SEMA5A: variants seen among roughly 807,000 people sequenced by gnomAD.
SEMA5A encodes the protein semaphorin 5A, also known as semaphorin-5A.
Under a neutral mutation model 135.5 loss-of-function variants are expected in SEMA5A, and 55 were observed. That is an observed-to-expected ratio of 0.41 (90% confidence interval 0.33 to 0.51). The LOEUF is 0.51. Among genes scored for constraint, SEMA5A ranks in the 20% least tolerant of loss-of-function variants. The probability of loss-of-function intolerance (pLI) is 0.37; values close to 1 mark genes in which losing one functional copy is unlikely to be tolerated. For synonymous variants in SEMA5A, 580 were observed against 546.5 expected (o/e 1.06, Z -0.85); for missense variants, 1,290 against 1,419.9 (o/e 0.91, Z 1.47).
At chr5:9,273,182 C>T (rs1750075890) in intron 5 of SEMA5A, among the ~76,000 whole-genome samples, 2 of 151,900 alleles carry the variant, frequency 1.3e-5, no homozygotes, top group African/African-American at 2.4e-5. Flanking sequence ...AAGAGAAATT[C>T]GTGAAGCATA....
chr5:9,197,785 T>TGTGTGTGTGTATGTG (rs1561011433), intron 9 of SEMA5A, among the ~76,000 whole-genome samples: 7 of 117,858 alleles, frequency 5.9e-5, no homozygotes, highest in South Asian at 2.8e-4. Context: ...TGTGTGTGTG[T>TGTGTGTGTGTATGTG]TTTAACCCAG....
intron 3 of SEMA5A, among the ~76,000 whole-genome samples, chr5:9,348,708 C>CAAA (rs1398975316): frequency 6.6e-6 from 1 of 152,070 alleles, no homozygotes; most frequent in African/African-American, 2.4e-5. Context: ...CAAAAATGAA[C>CAAA]AATTTCTATT....
At chr5:9,467,237 T>C (rs1759295452) in intron 1 of SEMA5A, among the ~76,000 whole-genome samples, 1 of 152,120 alleles carries the variant, frequency 6.6e-6, no homozygotes, top group Admixed American at 6.5e-5. Context: ...CTCAGCCTCC[T>C]GAATAGCTGG....
chr5:9,234,528 A>C (rs909355143), intron 6 of SEMA5A, among the ~76,000 whole-genome samples: 3 of 152,236 alleles, frequency 2.0e-5, no homozygotes, highest in African/African-American at 7.2e-5. Context: ...TTTCCAATGC[A>C]CACAGCTCTG....
intron 5 of SEMA5A, among the ~76,000 whole-genome samples, chr5:9,266,982 T>TA (rs1327601378): frequency 6.6e-6 from 1 of 152,168 alleles, no homozygotes; most frequent in Non-Finnish European, 1.5e-5. Context: ...AAGACTCCCT[T>TA]AAAATCCCAT....
rs1033981239 is a variant in SEMA5A, at chr5:9,326,750, C to T, written c.225-8333G>A. 3.3e-5 allele frequency among the ~76,000 whole-genome samples: 5 copies of T among 152,080 alleles called. No homozygotes were observed. In the South Asian group the frequency reaches 1.0e-3, roughly 32 times the overall value. The stretch of plus-strand genomic sequence containing the variant: ...GAGCAGAGATCCTGCCACTGCACTC[C>T]AGCCTGGGCTACAGAGCGAGTCTCA... On this transcript the variant is annotated intron_variant, in intron 4 of 22. Coordinates refer to ENST00000382496, the MANE Select transcript of SEMA5A (RefSeq NM_003966.3).
chr5:9,218,653 A>G (rs1209117260), intron 8 of SEMA5A, among the ~76,000 whole-genome samples: 1 of 152,242 alleles, frequency 6.6e-6, no homozygotes, highest in African/African-American at 2.4e-5. Flanking sequence ...ACTGAAAAGC[A>G]TGCAAAACAA....
chr5:9,325,842 T>C (rs552058443), intron 4 of SEMA5A, among the ~76,000 whole-genome samples: 1 of 152,270 alleles, frequency 6.6e-6, no homozygotes, highest in African/African-American at 2.4e-5. Context: ...TACAAGTTCC[T>C]ATTGAACGTA....
At chr5:9,346,575 C>T (rs1753878960) in intron 3 of SEMA5A, among the ~76,000 whole-genome samples, 1 of 152,302 alleles carries the variant, frequency 6.6e-6, no homozygotes, top group East Asian at 1.9e-4. Flanking sequence ...TTGGCTCCTG[C>T]CAGCATCCAA....
chr5:9,336,901 C>G (rs1753416974), intron 4 of SEMA5A, among the ~76,000 whole-genome samples: 1 of 152,200 alleles, frequency 6.6e-6, no homozygotes, highest in African/African-American at 2.4e-5. Flanking sequence ...AATGTGCCAT[C>G]CTTAGATGCC....
chr5:9,421,152 T>G (rs1212437606), intron 2 of SEMA5A, among the ~76,000 whole-genome samples: 1 of 152,248 alleles, frequency 6.6e-6, no homozygotes, highest in Non-Finnish European at 1.5e-5. Flanking sequence ...AACAGTCTAG[T>G]GTACTGCCTT....
intron 3 of SEMA5A, among the ~76,000 whole-genome samples, chr5:9,358,548 T>A (rs1162960767): frequency 6.6e-6 from 1 of 152,222 alleles, no homozygotes; most frequent in African/African-American, 2.4e-5. Context: ...GACACATCCA[T>A]CTTTCCACTA....
chr5:9,508,701 G>A (rs746816880), intron 1 of SEMA5A, among the ~76,000 whole-genome samples: 24 of 152,020 alleles, frequency 1.6e-4, no homozygotes, highest in Non-Finnish European at 2.8e-4. Context: ...GCTTACCACC[G>A]TCCTGCTCTG....
At chr5:9,343,592 T>A (rs140867387) in intron 3 of SEMA5A, among the ~76,000 whole-genome samples, 311 of 152,330 alleles carry the variant, frequency 2.0e-3, no homozygotes, top group Middle Eastern at 3.4e-3. Context: ...AAAGTTGGCA[T>A]GCTTCTCCCT....
chr5:9,083,750 G>A (rs2150109058), intron 16 of SEMA5A, among the ~76,000 whole-genome samples: 1 of 152,296 alleles, frequency 6.6e-6, no homozygotes, highest in South Asian at 2.1e-4. Flanking sequence ...AAGACATGTG[G>A]AAGTGCCATC....
At chr5:9,174,981 C>T (rs1354983534) in intron 11 of SEMA5A, among the ~76,000 whole-genome samples, 2 of 152,204 alleles carry the variant, frequency 1.3e-5, no homozygotes, top group African/African-American at 4.8e-5. Context: ...GTTAACACAT[C>T]ACAGCAGAAT....
intron 5 of SEMA5A, among the ~76,000 whole-genome samples, chr5:9,259,326 A>G (rs1749272834): frequency 6.6e-6 from 1 of 152,228 alleles, no homozygotes; most frequent in Non-Finnish European, 1.5e-5. Context: ...GGGGAGATTT[A>G]AAAATAAAAT....
chr5:9,336,510 G>A (rs1753397482), intron 4 of SEMA5A, among the ~76,000 whole-genome samples: 1 of 152,220 alleles, frequency 6.6e-6, no homozygotes, highest in South Asian at 2.1e-4. Flanking sequence ...AAATCCCCCA[G>A]TATTGCTACT....
At chr5:9,272,959 G>C (rs1480426020) in intron 5 of SEMA5A, among the ~76,000 whole-genome samples, 1 of 152,152 alleles carries the variant, frequency 6.6e-6, no homozygotes, top group Admixed American at 6.5e-5. Context: ...CTTCTCCAAA[G>C]GTTCACAACT....
Sources: gnomAD v4.1 joint callset for allele counts (sites outside exome capture counted in the v4.1 genomes callset) on GRCh38, gnomAD v4.1.1 for gene constraint, MANE v1.5 for transcripts, NCBI Gene and HGNC (gene_info 2026-07-23, HGNC 2026-07-21) for gene names.